FMNL3: variants seen among roughly 807,000 people sequenced by gnomAD.
FMNL3 encodes the protein formin-like protein 3.
FMNL3 carries 57 observed loss-of-function variants against 119.6 expected under a neutral mutation model. The ratio of observed to expected loss-of-function variants is 0.48; its 90% confidence interval spans 0.39 to 0.59. The LOEUF (loss-of-function observed/expected upper bound fraction) is 0.59, where lower values mean the gene tolerates loss of function less well. Ranked by LOEUF, FMNL3 falls within the 20% of genes least tolerant of loss-of-function variation. The pLI is 0.00. For synonymous variants in FMNL3, 491 were observed against 507.3 expected, an observed-to-expected ratio of 0.97 and a Z score of 0.43; for missense variants, 1,053 against 1,323.5, an observed-to-expected ratio of 0.80 and a Z score of 3.17.
intron 1 of FMNL3, among the ~76,000 whole-genome samples, chr12:49,680,363 G>T (rs564887976): frequency 7.9e-5 from 12 of 152,384 alleles, no homozygotes; most frequent in African/African-American, 2.6e-4. Flanking sequence ...GTCACAAGTT[G>T]TATCAGCTAG....
intron 1 of FMNL3, among the ~76,000 whole-genome samples, chr12:49,690,688 G>A (rs1355195444): frequency 3.3e-5 from 5 of 152,152 alleles, no homozygotes; most frequent in Non-Finnish European, 5.9e-5. Context: ...GAACTTGTTC[G>A]GTAAACTTTC....
intron 4 of FMNL3, among the ~76,000 whole-genome samples, chr12:49,663,780 G>A (rs1943806760): frequency 6.6e-6 from 1 of 152,210 alleles, no homozygotes; most frequent in Non-Finnish European, 1.5e-5. Context: ...AAACTGCTCT[G>A]TGGCCTTCTC....
At chr12:49,653,426 A>C in intron 12 of FMNL3, 99 bp from the exon 13 acceptor site, 2 of 1,168,596 alleles carry the variant, frequency 1.7e-6, no homozygotes, top group Non-Finnish European at 2.5e-6. Flanking sequence ...CCCTCAACAC[A>C]AGGCCACAAA....
rs1006892711 is a variant in FMNL3, at chr12:49,662,859, T to C, written c.369-810A>G. Reference sequence around the variant, plus strand: ...CAAGGGCAAATCTAGGGAACTGTTATATGACAGGTTCATTCCATAGCAGAA... The same window carrying C: ...CAAGGGCAAATCTAGGGAACTGTTACATGACAGGTTCATTCCATAGCAGAA... On this transcript the variant is annotated intron_variant, in intron 4 of 25. Transcript: ENST00000335154. Among the ~76,000 whole-genome samples, 3 of 152,234 alleles carry C rather than the reference T, an allele frequency of 2.0e-5. No individual in the cohort carries two copies. In the East Asian group the frequency reaches 5.8e-4, roughly 29 times the overall value.
At chr12:49,658,644 G>A (rs569844040) in intron 5 of FMNL3, 50 bp from the exon 6 acceptor site, 72 of 1,516,678 alleles carry the variant, frequency 4.7e-5, no homozygotes, top group Non-Finnish European at 6.2e-5. Context: ...ATACACAGGA[G>A]AAATTCAGTG....
chr12:49,704,710 CAAAA>C (rs59799899), intron 1 of FMNL3, among the ~76,000 whole-genome samples: 9 of 37,776 alleles, frequency 2.4e-4, no homozygotes, highest in Middle Eastern at 0.017. Context: ...AACTCCATCT[CAAAA>C]AAAAAAAAAA....
chr12:49,696,545 G>A (rs912076304), intron 1 of FMNL3, among the ~76,000 whole-genome samples: 1 of 152,206 alleles, frequency 6.6e-6, no homozygotes, highest in African/African-American at 2.4e-5. Context: ...AACGCTACAT[G>A]ATCAGTACAT....
intron 2 of FMNL3, among the ~76,000 whole-genome samples, chr12:49,667,534 T>G (rs1943925478): frequency 6.6e-6 from 1 of 152,164 alleles, no homozygotes; most frequent in Non-Finnish European, 1.5e-5. Flanking sequence ...AACACAGACT[T>G]GGCATCTGCT....
intron 4 of FMNL3, among the ~76,000 whole-genome samples, chr12:49,663,119 C>G (rs189916872): frequency 1.3e-5 from 2 of 152,208 alleles, no homozygotes; most frequent in Non-Finnish European, 1.5e-5. Flanking sequence ...TGACTGACAC[C>G]GGAGCTGCCT....
At chr12:49,660,940 T>C (rs1470093539) in intron 5 of FMNL3, among the ~76,000 whole-genome samples, 4 of 152,170 alleles carry the variant, frequency 2.6e-5, no homozygotes, top group Admixed American at 2.6e-4. Flanking sequence ...GCCACTGCAC[T>C]CCAGCCTGGG....
intron 2 of FMNL3, 106 bp downstream of exon 2, chr12:49,668,365 G>A: frequency 1.0e-6 from 1 of 998,772 alleles, no homozygotes; most frequent in South Asian, 1.4e-5. Context: ...GCTTAGGCCA[G>A]GGTTCCTCAA....
In FMNL3 at chr12:49,643,791, G is replaced by T; in HGVS notation, c.*2024C>A. 1.2e-6 allele frequency: 2 copies of T among 1,613,682 alleles called. No homozygotes were observed. Among genetic ancestry groups the T allele is most frequent in the Non-Finnish European group, 1.7e-6 (2 of 1,179,864 alleles). On this transcript the variant is annotated 3_prime_UTR_variant, in exon 26 of 26. Coordinates refer to ENST00000335154, the MANE Select transcript of FMNL3 (RefSeq NM_175736.5). The stretch of plus-strand genomic sequence containing the variant: ...CTTCTACCTAAGCCCCTGCTATTTT[G>T]TGAGTTCTGTTCTACCTGCCTCCCA...
chr12:49,659,655 T>C (rs1323330205), intron 5 of FMNL3: 1 of 502,138 alleles, frequency 2.0e-6, no homozygotes, highest in East Asian at 1.5e-4. Flanking sequence ...GCTCAAGCAA[T>C]CTCTCATCTT....
At chr12:49,660,201 A>G (rs57124034) in intron 5 of FMNL3, among the ~76,000 whole-genome samples, 4,440 of 152,138 alleles carry the variant, frequency 0.029, 217 homozygotes, top group African/African-American at 0.1. Context: ...TTCCCTCTCA[A>G]TCCTTCCTAA....
Position 49,641,608 on chromosome 12 carries a change from G to C in FMNL3, c.*4207C>G, listed in dbSNP as rs1198841034. On this transcript the variant is annotated 3_prime_UTR_variant, in exon 26 of 26. Coordinates refer to ENST00000335154, the MANE Select transcript of FMNL3 (RefSeq NM_175736.5). The stretch of plus-strand genomic sequence containing the variant: ...TGAGCAGCAGGAGGGCCCAGCTGGG[G>C]CCAGAGCTTTAAGCCAAAGGAACAA... The C allele has an allele frequency of 2.7e-6, 1 of 373,166 alleles. No individual in the cohort carries two copies. Among genetic ancestry groups the C allele is most frequent in the Non-Finnish European group, 4.9e-6 (1 of 203,160 alleles). The allele number at this position is 373,166 out of a possible 1,614,324, so 23.1% of individuals were successfully genotyped here.
chr12:49,643,079 T>G lies in FMNL3; in HGVS notation c.*2736A>C. ...GGTTGTTTTGGGGAAATAAACACTT[T>G]GTTTTCCCCTTACAATATCTCCCTT... On this transcript the variant is annotated 3_prime_UTR_variant, in exon 26 of 26. Transcript: ENST00000335154. 6.3e-7 allele frequency: 1 copy of G among 1,596,844 alleles called. No homozygotes were observed. Among genetic ancestry groups the G allele is most frequent in the Non-Finnish European group, 8.6e-7 (1 of 1,165,810 alleles).
At chr12:49,673,539 T>G (rs976070260) in intron 1 of FMNL3, among the ~76,000 whole-genome samples, 1 of 152,272 alleles carries the variant, frequency 6.6e-6, no homozygotes, top group Non-Finnish European at 1.5e-5. Context: ...ATGTCTCTAC[T>G]GGTGGGCAGT....
chr12:49,675,312 C>A (rs1207031868), intron 1 of FMNL3, among the ~76,000 whole-genome samples: 1 of 152,228 alleles, frequency 6.6e-6, no homozygotes, highest in Non-Finnish European at 1.5e-5. Context: ...CTCGGCCCCT[C>A]CTCGTGGTTA....
rs1252145826 is a variant in FMNL3, at chr12:49,651,983, A to G, written c.1553T>C (p.Leu518Pro). The change falls in exon 14 of 26, where the codon CTT becomes CCT. Residue 518 changes from leucine (L) to proline (P), a missense_variant. Physicochemically the swap from Leu to Pro is moderately conservative, Grantham distance 98. Around this residue, in one of 4 missense-constraint regions of FMNL3, gnomAD observed 445 missense variants for 628.4 expected, o/e 0.71. Coordinates refer to ENST00000335154, the MANE Select transcript of FMNL3 (RefSeq NM_175736.5). Reference protein sequence around the residue: ...PAPPPEEVLPLPPPPAPPLPP... With the variant: ...PAPPPEEVLPPPPPPAPPLPP... ...CAAGGGCGGAGCTGGTGGTGGAGGA[A>G]GAGGCAGGACCTCCTCAGGGGGTGG... 1 of 1,606,200 alleles carries G rather than the reference A, an allele frequency of 6.2e-7. No homozygotes were observed. The highest frequency in any genetic ancestry group is 1.3e-5 in the African/African-American group (1 of 74,790).
Sources: gnomAD v4.1 joint callset for allele counts (sites outside exome capture counted in the v4.1 genomes callset) on GRCh38, gnomAD v4.1.1 for gene constraint, gnomAD v4.1.1 regional missense constraint, MANE v1.5 for transcripts, NCBI Gene and HGNC (gene_info 2026-07-23, HGNC 2026-07-21) for gene names.